Variants in MEIKIN observed in about 807,000 individuals in gnomAD.
MEIKIN encodes meiosis-specific kinetochore protein.
rs923941750 is a variant in MEIKIN, at chr5:131,942,630, C to G, written c.349+5G>C. On this transcript the variant is annotated splice_donor_5th_base_variant and intron_variant, in intron 4 of 12. Coordinates refer to ENST00000442687, the MANE Select transcript of MEIKIN (RefSeq NM_001303622.2). ...GCTGAGGGAGTTCACATTTGACAGT[C>G]TTACCTGATACTAGTTCACTATTTG... 2.5e-6 allele frequency: 1 copy of G among 398,312 alleles called. No individual in the cohort carries two copies. Among genetic ancestry groups the G allele is most frequent in the African/African-American group, 2.1e-5 (1 of 48,606 alleles). 24.7% of individuals were successfully genotyped at this position (398,312 alleles called of 1,614,324 possible).
chr5:131,820,686 C>T lies in MEIKIN; in HGVS notation c.976-1823G>A, dbSNP rs532975608. Among the ~76,000 whole-genome samples the T allele has an allele frequency of 2.0e-5, 3 of 152,234 alleles. No homozygotes were observed. In the East Asian group the frequency reaches 5.8e-4, roughly 29 times the overall value. Reference sequence around the variant, plus strand: ...CTTTACTGGGAGACTATTATGGCTTCGGTCACATTACTTGTATTGGTCTAT... The same window carrying T: ...CTTTACTGGGAGACTATTATGGCTTTGGTCACATTACTTGTATTGGTCTAT... On this transcript the variant is annotated intron_variant, in intron 11 of 12. Coordinates refer to ENST00000442687, the MANE Select transcript of MEIKIN (RefSeq NM_001303622.2).
rs573905228 is a variant in MEIKIN at position 131,908,295 on chromosome 5, A to G, written c.703+3520T>C. 2.8e-3 allele frequency among the ~76,000 whole-genome samples: 427 copies of G among 152,310 alleles called. 1 individual carries two copies. The highest frequency in any genetic ancestry group is 0.012 in the South Asian group (60 of 4,822). ...GTTCAACCTATGCAAATCAATCAATATGATACATCATATCAACAGAATAAA... is the reference window on the plus strand; with the variant it reads ...GTTCAACCTATGCAAATCAATCAATGTGATACATCATATCAACAGAATAAA... On this transcript the variant is annotated intron_variant, in intron 8 of 12. Coordinates refer to ENST00000442687, the MANE Select transcript of MEIKIN (RefSeq NM_001303622.2).
chr5:131,892,747 A>G (rs541133018), intron 8 of MEIKIN, among the ~76,000 whole-genome samples: 120 of 152,232 alleles, frequency 7.9e-4, no homozygotes, highest in South Asian at 6.2e-3. Flanking sequence ...GCTTTGTTCC[A>G]TTGCTGGTGA....
At chr5:131,927,874 G>A (rs1039352616) in intron 5 of MEIKIN, among the ~76,000 whole-genome samples, 4 of 152,048 alleles carry the variant, frequency 2.6e-5, no homozygotes, top group Admixed American at 1.3e-4. Context: ...GGCCGGGCGC[G>A]GTGGCTCACG....
At chr5:131,897,287 C>A (rs561729680) in intron 8 of MEIKIN, among the ~76,000 whole-genome samples, 1 of 152,292 alleles carries the variant, frequency 6.6e-6, no homozygotes, top group South Asian at 2.1e-4. Flanking sequence ...TGTGGGTAAC[C>A]CAACCTTTCT....
intron 4 of MEIKIN, among the ~76,000 whole-genome samples, chr5:131,939,396 G>C (rs190212363): frequency 3.8e-4 from 57 of 150,636 alleles, no homozygotes; most frequent in African/African-American, 1.3e-3. Context: ...AGATCTGTTA[G>C]GTCAATTATA....
chr5:131,817,800 A>C (rs552185027), intron 12 of MEIKIN, among the ~76,000 whole-genome samples: 3 of 152,302 alleles, frequency 2.0e-5, no homozygotes, highest in African/African-American at 7.2e-5. Flanking sequence ...GGAGGAAATA[A>C]GTACAAGAAT....
chr5:131,941,142 CTTTTTTTTTTTTTTT>C (rs397999274), intron 4 of MEIKIN, among the ~76,000 whole-genome samples: 168 of 59,702 alleles, frequency 2.8e-3, no homozygotes, highest in African/African-American at 9.5e-3. Flanking sequence ...AGATCTCTTC[CTTTTTTTTTTTTTTT>C]TTTTTTTTTT....
At chr5:131,932,373 A>G (rs1257123762) in intron 5 of MEIKIN, among the ~76,000 whole-genome samples, 1 of 152,262 alleles carries the variant, frequency 6.6e-6, no homozygotes, top group Non-Finnish European at 1.5e-5. Context: ...CAGCTGGGGC[A>G]GCTCTCTGAA....
At chr5:131,897,416 A>T (rs1031084516) in intron 8 of MEIKIN, among the ~76,000 whole-genome samples, 1 of 152,144 alleles carries the variant, frequency 6.6e-6, no homozygotes, top group Non-Finnish European at 1.5e-5. Context: ...GTATTTCCTG[A>T]ATTTGAATGT....
At chr5:131,929,544 A>G (rs1242880876) in intron 5 of MEIKIN, among the ~76,000 whole-genome samples, 1 of 151,782 alleles carries the variant, frequency 6.6e-6, no homozygotes, top group Non-Finnish European at 1.5e-5. Context: ...TCCAATTTTT[A>G]TTTTAGATAT....
intron 11 of MEIKIN, among the ~76,000 whole-genome samples, chr5:131,822,462 T>C (rs990217660): frequency 6.6e-6 from 1 of 152,320 alleles, no homozygotes; most frequent in East Asian, 1.9e-4. Context: ...GTATCTGTTG[T>C]ATATTTTTTG....
chr5:131,894,109 C>G (rs1750989474), intron 8 of MEIKIN, among the ~76,000 whole-genome samples: 1 of 152,158 alleles, frequency 6.6e-6, no homozygotes, highest in Admixed American at 6.5e-5. Flanking sequence ...TTTCAGCTTT[C>G]TACATATGGC....
chr5:131,896,057 C>G (rs1014241675), intron 8 of MEIKIN, among the ~76,000 whole-genome samples: 3 of 152,110 alleles, frequency 2.0e-5, no homozygotes, highest in African/African-American at 7.2e-5. Flanking sequence ...ACTGCTTTAG[C>G]TTTGTCCCAG....
intron 11 of MEIKIN, among the ~76,000 whole-genome samples, chr5:131,837,783 T>C (rs1749835626): frequency 6.6e-6 from 1 of 152,140 alleles, no homozygotes; most frequent in South Asian, 2.1e-4. Context: ...TTTCTAGATA[T>C]ATGATCATGT....
chr5:131,902,151 T>C (rs915184508), intron 8 of MEIKIN, among the ~76,000 whole-genome samples: 1 of 152,158 alleles, frequency 6.6e-6, no homozygotes, highest in African/African-American at 2.4e-5. Flanking sequence ...TTCCTGAGAT[T>C]GCTGGGCACA....
At position 131,931,713 on chromosome 5, in the gene MEIKIN, A is replaced by G. The variant is rs549658900; in HGVS notation, c.478+1800T>C. ...GCCAGGATGCAGGCGCCTGTCGACT[A>G]TTTTCTGAATTTTTCACAAAGGGAA... On this transcript the variant is annotated intron_variant, in intron 5 of 12. Transcript: ENST00000442687. Among the ~76,000 whole-genome samples the G allele has an allele frequency of 4.6e-5, 7 of 152,034 alleles. No individual in the cohort carries two copies. The East Asian group carries it at 1.4e-3, about 29-fold the overall frequency.
intron 9 of MEIKIN, among the ~76,000 whole-genome samples, chr5:131,859,769 G>T (rs531192931): frequency 2.6e-5 from 4 of 152,224 alleles, no homozygotes; most frequent in African/African-American, 9.6e-5. Flanking sequence ...TCTTCTGCAT[G>T]GGGATATCCA....
chr5:131,906,466 G>C (rs530974346), intron 8 of MEIKIN, among the ~76,000 whole-genome samples: 1 of 152,022 alleles, frequency 6.6e-6, no homozygotes, highest in Non-Finnish European at 1.5e-5. Context: ...GTAATTCCTC[G>C]AACAGCTAAA....
Sources: gnomAD v4.1 joint callset for allele counts (sites outside exome capture counted in the v4.1 genomes callset) on GRCh38, gnomAD v4.1.1 for gene constraint, MANE v1.5 for transcripts, NCBI Gene and HGNC (gene_info 2026-07-23, HGNC 2026-07-21) for gene names.